Variants in ARHGEF12 observed in about 807,000 individuals in gnomAD.
ARHGEF12 encodes KMT2A/ARHGEF12 fusion protein.
Under a neutral mutation model 211.2 loss-of-function variants are expected in ARHGEF12, and 66 were observed. The observed-to-expected ratio is 0.31, with a 90% confidence interval of 0.26 to 0.38. The LOEUF is 0.38. Among genes scored for constraint, ARHGEF12 ranks in the 10% least tolerant of loss-of-function variants. ARHGEF12 has a pLI of 1.00. For synonymous variants in ARHGEF12, 592 were observed against 638.4 expected (o/e 0.93, Z 1.09); for missense variants, 1,429 against 1,869.5 (o/e 0.76, Z 4.34).
intron 28 of ARHGEF12, among the ~76,000 whole-genome samples, chr11:120,466,957 C>G (rs773993687): frequency 1.2e-4 from 19 of 152,196 alleles, no homozygotes; most frequent in Non-Finnish European, 2.4e-4. Flanking sequence ...TGGATGCTTT[C>G]AGTCCTTCCT....
intron 8 of ARHGEF12, among the ~76,000 whole-genome samples, chr11:120,428,638 G>A (rs1175074640): frequency 1.3e-5 from 2 of 152,114 alleles, no homozygotes; most frequent in Non-Finnish European, 2.9e-5. Context: ...TGTTGATTGA[G>A]ATTAAGTCAA....
chr11:120,438,950 T>C (rs1945783025), intron 12 of ARHGEF12: 1 of 152,226 alleles, frequency 6.6e-6, no homozygotes, highest in Non-Finnish European at 1.5e-5. Context: ...ACTCCTGGGC[T>C]CAAACTGTGT....
chr11:120,477,166 G>A lies in ARHGEF12; in HGVS notation c.3366-53G>A, dbSNP rs543987525. The stretch of plus-strand genomic sequence containing the variant: ...GTTTTGCTTTCTGAGTATATTTAAA[G>A]GATATTTCTTTTTTCTTTTTTGTAT... On this transcript the variant is annotated intron_variant, in intron 34 of 40. Coordinates refer to ENST00000397843, the MANE Select transcript of ARHGEF12 (RefSeq NM_015313.3). 7.5e-4 allele frequency: 1,079 copies of A among 1,440,612 alleles called. 14 individuals are homozygous for A. The highest frequency in any genetic ancestry group is 7.9e-4 in the Non-Finnish European group (826 of 1,045,120). 89.2% of individuals were successfully genotyped at this position (1,440,612 alleles called of 1,614,324 possible). A position where few individuals can be genotyped will look rare whatever the true frequency, so the allele number is the denominator to read the frequency against.
intron 1 of ARHGEF12, among the ~76,000 whole-genome samples, chr11:120,400,791 C>T (rs1944530424): frequency 6.6e-6 from 1 of 152,142 alleles, no homozygotes; most frequent in Non-Finnish European, 1.5e-5. Context: ...GTAAGAGAGC[C>T]TAACCAAGGG....
chr11:120,447,622 A>T (rs1455805484), intron 18 of ARHGEF12, among the ~76,000 whole-genome samples: 6 of 151,826 alleles, frequency 4.0e-5, no homozygotes, highest in Admixed American at 3.9e-4. Context: ...GTTCGAGACC[A>T]AGCTGGCCAA....
chr11:120,458,046 T>A, intron 24 of ARHGEF12, 34 bp from the exon 25 acceptor site: 1 of 1,590,886 alleles, frequency 6.3e-7, no homozygotes, highest in Non-Finnish European at 8.5e-7. Flanking sequence ...CCACCTAAAG[T>A]CTTCAAATTG....
At chr11:120,474,178 C>G (rs1946957747) in intron 31 of ARHGEF12, among the ~76,000 whole-genome samples, 1 of 152,146 alleles carries the variant, frequency 6.6e-6, no homozygotes, top group Admixed American at 6.5e-5. Context: ...AACTCAGAAG[C>G]CACTTTCTTA....
At chr11:120,355,232 G>T (rs920078928) in intron 1 of ARHGEF12, among the ~76,000 whole-genome samples, 1 of 152,102 alleles carries the variant, frequency 6.6e-6, no homozygotes, top group South Asian at 2.1e-4. Flanking sequence ...AAACGAGAAG[G>T]TTATTACACA....
intron 1 of ARHGEF12, among the ~76,000 whole-genome samples, chr11:120,363,316 A>G (rs1406199177): frequency 1.3e-5 from 2 of 152,272 alleles, no homozygotes; most frequent in Non-Finnish European, 2.9e-5. Context: ...GGAGGTTTAA[A>G]GAAAAGGAAA....
At chr11:120,426,935 G>T (rs191003187) in intron 7 of ARHGEF12, among the ~76,000 whole-genome samples, 1 of 152,098 alleles carries the variant, frequency 6.6e-6, no homozygotes, top group Non-Finnish European at 1.5e-5. Context: ...GGCGTGCAGT[G>T]GCGCAATCTC....
In ARHGEF12 at chr11:120,480,183, T is replaced by C; in HGVS notation, c.3990T>C (p.Thr1330=). 6.2e-7 allele frequency: 1 copy of C among 1,614,242 alleles called. No homozygotes were observed. The highest frequency in any genetic ancestry group is 8.5e-7 in the Non-Finnish European group (1 of 1,180,050). The change falls in exon 38 of 41, where the codon ACT becomes ACC. Residue 1330 remains threonine (T), a synonymous_variant. Coordinates refer to ENST00000397843, the MANE Select transcript of ARHGEF12 (RefSeq NM_015313.3). ...TTGCAACTTGTTACAGTCCACGGACTTCAACTGAATCTTTTGCTCCACGGG... is the reference window on the plus strand; with the variant it reads ...TTGCAACTTGTTACAGTCCACGGACCTCAACTGAATCTTTTGCTCCACGGG... ...GDIATCYSPR[T]STESFAPRDS...
chr11:120,360,611 T>G (rs923178750), intron 1 of ARHGEF12, among the ~76,000 whole-genome samples: 8 of 152,150 alleles, frequency 5.3e-5, no homozygotes, highest in Admixed American at 4.6e-4. Context: ...CAGGCTGGTC[T>G]TGAACTCCTA....
intron 1 of ARHGEF12, among the ~76,000 whole-genome samples, chr11:120,404,136 A>G (rs1261258934): frequency 6.6e-6 from 1 of 152,192 alleles, no homozygotes; most frequent in Non-Finnish European, 1.5e-5. Flanking sequence ...TTCAGTGACC[A>G]TCAGTAGGTT....
At chr11:120,365,905 G>A (rs879940292) in intron 1 of ARHGEF12, 5 of 152,134 alleles carry the variant, frequency 3.3e-5, no homozygotes, top group Non-Finnish European at 7.3e-5. Context: ...AAATAGACAG[G>A]AAAATGACCC....
intron 1 of ARHGEF12, among the ~76,000 whole-genome samples, chr11:120,349,752 T>C (rs962658503): frequency 2.0e-5 from 3 of 152,240 alleles, no homozygotes; most frequent in African/African-American, 7.2e-5. Context: ...TGTTATTGTT[T>C]AAACTTCAGG....
At chr11:120,476,777 T>G (rs1947044466) in intron 34 of ARHGEF12, 29 bp downstream of exon 34, 1 of 1,513,850 alleles carries the variant, frequency 6.6e-7, no homozygotes, top group Non-Finnish European at 9.1e-7. Flanking sequence ...TACCTTGCTA[T>G]AGCTAATATT....
chr11:120,457,165 G>A lies in ARHGEF12; in HGVS notation c.2104G>A (p.Gly702Ser). The change falls in exon 23 of 41, where the codon GGC (glycine) becomes AGC (serine). Residue 702 changes from glycine to serine, a missense_variant. By Grantham distance (56) the Gly-to-Ser change is moderately conservative. Coordinates refer to ENST00000397843, the MANE Select transcript of ARHGEF12 (RefSeq NM_015313.3). The part of the protein sequence containing the change: ...ETSAPGDTLD[G>S]TPRTLNTVFD... ...ATCAGCACCTGGAGACACCTTAGAT[G>A]GCACACCTCGTACTCTCAATACTGT... The A allele has an allele frequency of 6.2e-7, 1 of 1,613,968 alleles. No homozygotes were observed. Among genetic ancestry groups the A allele is most frequent in the Non-Finnish European group, 8.5e-7 (1 of 1,179,960 alleles).
In ARHGEF12 at chr11:120,478,270, C is replaced by T. The variant is rs1565514427; in HGVS notation, c.3647C>T (p.Ala1216Val). 6.2e-7 allele frequency: 1 copy of T among 1,614,076 alleles called. No homozygotes were observed. The highest frequency in any genetic ancestry group is 1.3e-5 in the African/African-American group (1 of 75,008). The change falls in exon 37 of 41, where the codon GCA becomes GTA. Residue 1216 changes from alanine (A) to valine (V), a missense_variant. Physicochemically the swap from Ala to Val is moderately conservative, Grantham distance 64 (BLOSUM62 0). Coordinates refer to ENST00000397843, the MANE Select transcript of ARHGEF12 (RefSeq NM_015313.3). The stretch of plus-strand genomic sequence containing the variant: ...CTGTTTGTGGCTGAGAGACAGTTTG[C>T]AAAGGAACAACATACAGATGGGACA... The part of the protein sequence containing the change: ...RDLFVAERQF[A>V]KEQHTDGTLK...
chr11:120,464,460 T>G (rs1946638211), intron 27 of ARHGEF12: 1 of 151,642 alleles, frequency 6.6e-6, no homozygotes, highest in South Asian at 2.1e-4. Context: ...CACACGCCTG[T>G]AGTCCCAACT....
Sources: gnomAD v4.1 joint callset for allele counts (sites outside exome capture counted in the v4.1 genomes callset) on GRCh38, gnomAD v4.1.1 for gene constraint, MANE v1.5 for transcripts, NCBI Gene and HGNC (gene_info 2026-07-23, HGNC 2026-07-21) for gene names.